The following PPM1A variants were observed in gnomAD, a reference collection of about 807,000 sequenced individuals.
PPM1A encodes protein phosphatase 1A.
In PPM1A, 7 loss-of-function variants were observed where a neutral mutation model predicts 35.0. The observed-to-expected ratio is 0.20, with a 90% CI of 0.11 to 0.38. PPM1A has a LOEUF of 0.38. PPM1A is among the 10% of genes least tolerant of loss of function. PPM1A has a pLI of 1.00. For synonymous variants in PPM1A, 153 were observed against 167.3 expected, an observed-to-expected ratio of 0.91 and a Z score of 0.66; for missense variants, 239 against 467.8, an observed-to-expected ratio of 0.51 and a Z score of 4.51.
chr14:60,245,777 G>A (rs1258758027), upstream of PPM1A: 4 of 1,372,572 alleles, frequency 2.9e-6, no homozygotes, highest in Non-Finnish European at 3.9e-6. The surrounding 1 kb of genome is among the most constrained non-coding windows in gnomAD (Gnocchi z 4.2). Context: ...AGGGGAGGGA[G>A]GAAGGAGGGC....
chr14:60,267,183 A>T (rs766967611), intron 1 of PPM1A: 10 of 152,120 alleles, frequency 6.6e-5, no homozygotes, highest in Non-Finnish European at 1.3e-4. Context: ...TTATCTCAAT[A>T]ACCATTATTT....
chr14:60,246,031 A>G (rs778999903), upstream of PPM1A: 10 of 1,577,842 alleles, frequency 6.3e-6, no homozygotes, highest in Admixed American at 5.7e-5. Context: ...GTGTGAGAGA[A>G]AAAAATATGA....
intron 1 of PPM1A, among the ~76,000 whole-genome samples, chr14:60,252,197 A>G (rs931794679): frequency 6.6e-6 from 1 of 152,206 alleles, no homozygotes; most frequent in African/African-American, 2.4e-5. Flanking sequence ...CATATTTGTA[A>G]TTTTTAACCA....
intron 2 of PPM1A, among the ~76,000 whole-genome samples, chr14:60,284,465 C>G (rs961582048): frequency 3.9e-5 from 6 of 151,910 alleles, no homozygotes; most frequent in Admixed American, 3.9e-4. Context: ...CACAGTGAAA[C>G]CCCGTCTCTA....
At chr14:60,272,669 C>T (rs553444036) in intron 1 of PPM1A, among the ~76,000 whole-genome samples, 2 of 121,936 alleles carry the variant, frequency 1.6e-5, no homozygotes, top group Non-Finnish European at 3.2e-5. Context: ...CCAGCCTGGG[C>T]GACAGAGTGA....
At position 60,263,408 on chromosome 14, in the gene PPM1A, A is replaced by G. The variant is rs1218734856; in HGVS notation, c.-21+13731A>G. ...TTATGTATTTACTTATTTATTGAGC[A>G]GTTCCCAAATGGCAACTTTATTATT... On this transcript the variant is annotated intron_variant, in intron 1 of 5. Transcript: ENST00000395076. 5.3e-5 allele frequency among the ~76,000 whole-genome samples: 8 copies of G among 152,314 alleles called. No homozygotes were observed. In the East Asian group the frequency reaches 1.2e-3, roughly 22 times the overall value.
chr14:60,249,232 C>CGGCGGCGGT lies in PPM1A; in HGVS notation c.-458_-450dup, dbSNP rs919070104. On this transcript the variant is annotated 5_prime_UTR_variant, in exon 1 of 6. Transcript: ENST00000395076. The surrounding 1 kb of genome is among the most constrained non-coding windows in gnomAD (Gnocchi z 4.5). ...CGCGGGGCCGCGCTAGAGGCGGCGG[C>CGGCGGCGGT]GGCGGCGGTGGCGGCGCTAGGGACG... is the stretch of plus-strand genomic sequence containing the variant. 5.9e-4 allele frequency: 581 copies of CGGCGGCGGT among 987,880 alleles called. No individual in the cohort carries two copies. In the African/African-American group the frequency reaches 7.3e-3, roughly 12 times the overall value. 61.2% of individuals were successfully genotyped at this position (987,880 alleles called of 1,614,324 possible). A position where few individuals can be genotyped will look rare whatever the true frequency, so the allele number is the denominator to read the frequency against.
intron 1 of PPM1A, among the ~76,000 whole-genome samples, chr14:60,259,375 A>C (rs1883494142): frequency 6.6e-6 from 1 of 152,094 alleles, no homozygotes; most frequent in East Asian, 1.9e-4. Context: ...TAAGTATACA[A>C]GGTTATCAGC....
chr14:60,290,395 C>T (rs887874295), intron 4 of PPM1A, among the ~76,000 whole-genome samples: 1 of 152,090 alleles, frequency 6.6e-6, no homozygotes, highest in Non-Finnish European at 1.5e-5. Flanking sequence ...TTTTAGGTGT[C>T]AGGGAAGAAG....
intron 1 of PPM1A, among the ~76,000 whole-genome samples, chr14:60,250,121 C>G (rs974876419): frequency 2.6e-5 from 4 of 151,970 alleles, no homozygotes; most frequent in Admixed American, 2.0e-4. Flanking sequence ...GGGAGGGAGG[C>G]GGGGAGACTT....
In PPM1A at chr14:60,249,396, A is replaced by G. The variant is rs1433767847; in HGVS notation, c.-302A>G. Reference sequence around the variant, plus strand: ...GGACTCTAGACAGCTGAGGCGCGAAAGCGATGAGTCCTCGGCTCTTCCTCC... The same window carrying G: ...GGACTCTAGACAGCTGAGGCGCGAAGGCGATGAGTCCTCGGCTCTTCCTCC... On this transcript the variant is annotated 5_prime_UTR_variant, in exon 1 of 6. Transcript: ENST00000395076. The surrounding 1 kb of genome is among the most constrained non-coding windows in gnomAD (Gnocchi z 4.5). 1 of 984,420 alleles carries G rather than the reference A, an allele frequency of 1.0e-6. No individual in the cohort carries two copies. Among genetic ancestry groups the G allele is most frequent in the African/African-American group, 1.7e-5 (1 of 57,178 alleles). The allele number at this position is 984,420 out of a possible 1,614,324, so 61.0% of individuals were successfully genotyped here.
At chr14:60,255,692 G>T (rs1356863789) in intron 1 of PPM1A, among the ~76,000 whole-genome samples, 2 of 152,116 alleles carry the variant, frequency 1.3e-5, no homozygotes, top group Non-Finnish European at 2.9e-5. Flanking sequence ...AAGCTTTATC[G>T]TAGCAGACGT....
intron 2 of PPM1A, among the ~76,000 whole-genome samples, chr14:60,285,138 G>GA (rs1886853451): frequency 6.6e-6 from 1 of 152,014 alleles, no homozygotes; most frequent in African/African-American, 2.4e-5. Context: ...CTTATGAAGC[G>GA]AATGTATTAG....
At chr14:60,270,696 C>T (rs1884975868) in intron 1 of PPM1A, among the ~76,000 whole-genome samples, 1 of 123,436 alleles carries the variant, frequency 8.1e-6, no homozygotes, top group Admixed American at 7.2e-5. Context: ...CTTTGTCTTT[C>T]TTGATTTTTC....
In PPM1A at chr14:60,249,300, T is replaced by C. The variant is rs1882025535; in HGVS notation, c.-398T>C. 4.2e-6 allele frequency: 4 copies of C among 962,630 alleles called. No homozygotes were observed. The highest frequency in any genetic ancestry group is 4.9e-6 in the Non-Finnish European group (4 of 824,702). 59.6% of individuals were successfully genotyped at this position (962,630 alleles called of 1,614,324 possible). On this transcript the variant is annotated 5_prime_UTR_variant, in exon 1 of 6. Coordinates refer to ENST00000395076, the MANE Select transcript of PPM1A (RefSeq NM_021003.5). This position sits in a 1 kb window ranked among gnomAD's most constrained non-coding sequence, Gnocchi z 4.5. ...TAGAGAGCAGTGGTCTCGGCGCTCG[T>C]CCGGCCCGCAGCTTCGGGTCCTCAG...
upstream of PPM1A, among the ~76,000 whole-genome samples, chr14:60,248,955 C>G (rs1834208512): frequency 6.6e-6 from 1 of 152,202 alleles, no homozygotes; most frequent in African/African-American, 2.4e-5. Context: ...CTCCCTTCGG[C>G]TTCGGCCTGG....
Position 60,282,825 on chromosome 14 carries a change from C to A in PPM1A, c.122C>A (p.Thr41Lys). The A allele has an allele frequency of 6.2e-7, 1 of 1,614,208 alleles. No homozygotes were observed. Among genetic ancestry groups the A allele is most frequent in the Non-Finnish European group, 8.5e-7 (1 of 1,180,040 alleles). ...GWRVEMEDAH[T>K]AVIGLPSGLE... ...CGTGTTGAAATGGAGGATGCACATA[C>A]GGCTGTGATCGGTTTGCCAAGTGGA... The change falls in exon 2 of 6, where the codon ACG becomes AAG. Residue 41 changes from threonine (T) to lysine (K), a missense_variant. By Grantham distance (78) the Thr-to-Lys change is moderately conservative. This residue lies in a region of PPM1A where 175 missense variants were observed against 389.2 expected (regional missense o/e 0.45). Transcript: ENST00000395076. The surrounding 1 kb of genome is among the most constrained non-coding windows in gnomAD (Gnocchi z 5.1).
chr14:60,251,872 C>G (rs1882466101), intron 1 of PPM1A, among the ~76,000 whole-genome samples: 1 of 151,764 alleles, frequency 6.6e-6, no homozygotes, highest in East Asian at 1.9e-4. Flanking sequence ...TCATGGGAGA[C>G]AAAGGGTGGT....
intron 1 of PPM1A, among the ~76,000 whole-genome samples, chr14:60,275,493 T>G (rs539004674): frequency 6.6e-6 from 1 of 152,198 alleles, no homozygotes; most frequent in African/African-American, 2.4e-5. Flanking sequence ...TTTTATTATT[T>G]TTATTTTTTT....
Sources: gnomAD v4.1 joint callset for allele counts (sites outside exome capture counted in the v4.1 genomes callset) on GRCh38, gnomAD v4.1.1 for gene constraint, gnomAD v4.1.1 regional missense constraint, Gnocchi (gnomAD v3.1) non-coding constraint, MANE v1.5 for transcripts, NCBI Gene and HGNC (gene_info 2026-07-23, HGNC 2026-07-21) for gene names.